CWC22: variants seen among roughly 807,000 people sequenced by gnomAD.
CWC22 encodes pre-mRNA-splicing factor CWC22 homolog.
A neutral mutation model predicts 117.2 loss-of-function variants in CWC22; 53 were observed. The ratio of observed to expected loss-of-function variants is 0.45; its 90% CI spans 0.36 to 0.57. CWC22 has a LOEUF of 0.57. CWC22 is among the 20% of genes least tolerant of loss of function. The probability of loss-of-function intolerance (pLI) is 0.00; values close to 1 mark genes in which losing one functional copy is unlikely to be tolerated. For missense variants in CWC22, 980 were observed against 1,068.8 expected, an observed-to-expected ratio of 0.92 and a Z score of 1.16; for synonymous variants, 360 against 355.6, an observed-to-expected ratio of 1.01 and a Z score of -0.14.
At chr2:179,981,443 A>G (rs908152861) in intron 5 of CWC22, among the ~76,000 whole-genome samples, 3 of 152,218 alleles carry the variant, frequency 2.0e-5, no homozygotes, top group African/African-American at 7.2e-5. Flanking sequence ...GACATTATCA[A>G]TAGGAATGCA....
intron 5 of CWC22, 24 bp downstream of exon 5, chr2:179,981,728 G>C (rs776859151): frequency 4.4e-6 from 7 of 1,587,246 alleles, no homozygotes; most frequent in Non-Finnish European, 4.3e-6. Context: ...TCATGGCTTT[G>C]TATACTGATT....
intron 1 of CWC22, among the ~76,000 whole-genome samples, chr2:179,999,433 TA>T (rs201078971): frequency 1.3e-5 from 2 of 151,926 alleles, no homozygotes; most frequent in African/African-American, 2.4e-5. Flanking sequence ...AGAGCACTAT[TA>T]AAAAAAAGAT....
chr2:179,973,199 T>G lies in CWC22; in HGVS notation c.798A>C (p.Gln266His). The G allele has an allele frequency of 6.3e-7, 1 of 1,598,042 alleles. No homozygotes were observed. The highest frequency in any genetic ancestry group is 8.5e-7 in the Non-Finnish European group (1 of 1,170,978). Residue 266 changes from glutamine to histidine, a missense_variant, in exon 8 of 20, where the codon CAA (glutamine) becomes CAC (histidine). By Grantham distance (24) the Gln-to-His change is conservative. Transcript: ENST00000410053. Reference protein sequence around the residue: ...ASKFVAHLINQNVAHEVLCLE... With the variant: ...ASKFVAHLINHNVAHEVLCLE... ...ATTGAAGATAATTACTTACCACATT[T>G]TGGTTAATAAGATGCGCCACAAATT...
intron 5 of CWC22, among the ~76,000 whole-genome samples, chr2:179,978,867 TAC>T (rs1687217085): frequency 1.0e-5 from 1 of 95,686 alleles, no homozygotes; most frequent in Non-Finnish European, 2.1e-5. Flanking sequence ...CTGAATTACC[TAC>T]CATTCAGTGT....
rs1575646949 is a variant in CWC22 at position 179,970,431 on chromosome 2, T to A, written c.1210+70A>T. On this transcript the variant is annotated intron_variant, in intron 11 of 19. Coordinates refer to ENST00000410053, the MANE Select transcript of CWC22 (RefSeq NM_020943.3). ...GGTGGGGATCTCTAAATATTTGCTA[T>A]CAGTATTACGTAACTACTTAAATTG... 5 of 1,322,350 alleles carry A rather than the reference T, an allele frequency of 3.8e-6. No individual in the cohort carries two copies. In the East Asian group the frequency reaches 7.6e-5, roughly 20 times the overall value. The allele number at this position is 1,322,350 out of a possible 1,614,324, so 81.9% of individuals were successfully genotyped here.
At chr2:179,956,379 T>A (rs968837291) in intron 14 of CWC22, among the ~76,000 whole-genome samples, 27 of 151,372 alleles carry the variant, frequency 1.8e-4, no homozygotes, top group African/African-American at 6.5e-4. Flanking sequence ...ACATTACTAG[T>A]CATATTTCAA....
chr2:179,962,712 A>AT (rs1686785347), intron 13 of CWC22, among the ~76,000 whole-genome samples: 1 of 152,254 alleles, frequency 6.6e-6, no homozygotes, highest in Non-Finnish European at 1.5e-5. Context: ...AAATACAGTA[A>AT]TAAAAACAAG....
At chr2:179,951,115 G>A (rs1686436276) in intron 17 of CWC22, among the ~76,000 whole-genome samples, 189 bp from the exon 18 acceptor site, 1 of 151,814 alleles carries the variant, frequency 6.6e-6, no homozygotes, top group South Asian at 2.1e-4. Flanking sequence ...AAGTAATAAT[G>A]TACCAAACTT....
chr2:180,003,970 A>T (rs1687909354), intron 1 of CWC22, among the ~76,000 whole-genome samples: 1 of 152,232 alleles, frequency 6.6e-6, no homozygotes, highest in South Asian at 2.1e-4. Context: ...CACTTGGGAA[A>T]TGTACATACT....
chr2:179,950,270 A>G (rs913790718), intron 19 of CWC22, among the ~76,000 whole-genome samples: 4 of 152,298 alleles, frequency 2.6e-5, no homozygotes, highest in East Asian at 1.9e-4. Flanking sequence ...CATCACTCAG[A>G]TAAGTATCTG....
intron 2 of CWC22, among the ~76,000 whole-genome samples, chr2:179,991,345 T>C (rs113789022): frequency 2.1e-3 from 315 of 152,068 alleles, no homozygotes; most frequent in African/African-American, 7.0e-3. Flanking sequence ...AATAGGTGAG[T>C]CCTCAGAACA....
intron 5 of CWC22, among the ~76,000 whole-genome samples, chr2:179,981,319 T>C (rs765647565): frequency 6.6e-6 from 1 of 152,170 alleles, no homozygotes; most frequent in Non-Finnish European, 1.5e-5. Context: ...ACTCACAGTG[T>C]AAAATATTTA....
intron 19 of CWC22, among the ~76,000 whole-genome samples, chr2:179,948,026 T>A (rs896652385): frequency 2.0e-5 from 3 of 152,190 alleles, no homozygotes; most frequent in African/African-American, 7.2e-5. Context: ...GATCAAACTT[T>A]GAAAACATCT....
At chr2:180,005,339 A>C (rs765430477) in intron 1 of CWC22, among the ~76,000 whole-genome samples, 1 of 152,186 alleles carries the variant, frequency 6.6e-6, no homozygotes, top group South Asian at 2.1e-4. Flanking sequence ...GCACTTTGGG[A>C]GGCCGAGGCG....
At chr2:179,964,509 A>C in intron 13 of CWC22, 38 bp downstream of exon 13, 1 of 1,225,660 alleles carries the variant, frequency 8.2e-7, no homozygotes. Context: ...TCCCTTATCA[A>C]AAACAAAAAA....
At chr2:179,965,162 T>A (rs528883343) in intron 12 of CWC22, among the ~76,000 whole-genome samples, 2 of 152,316 alleles carry the variant, frequency 1.3e-5, no homozygotes, top group Non-Finnish European at 2.9e-5. Flanking sequence ...AGAAGATAAT[T>A]TTAATAAAAA....
intron 4 of CWC22, among the ~76,000 whole-genome samples, chr2:179,982,407 T>C (rs1395386207): frequency 6.6e-6 from 1 of 152,162 alleles, no homozygotes; most frequent in Non-Finnish European, 1.5e-5. Flanking sequence ...GTTTTTATAC[T>C]GGAGGTGATG....
intron 1 of CWC22, among the ~76,000 whole-genome samples, chr2:179,996,298 T>A (rs1261209414): frequency 6.6e-6 from 1 of 152,152 alleles, no homozygotes; most frequent in African/African-American, 2.4e-5. Context: ...GCATGGTTTT[T>A]AAAACATATG....
chr2:179,990,910 G>A (rs547695140), intron 2 of CWC22, among the ~76,000 whole-genome samples: 8 of 152,126 alleles, frequency 5.3e-5, no homozygotes, highest in African/African-American at 1.9e-4. Flanking sequence ...TGGGAAAACG[G>A]GGACTTGAAT....
Sources: gnomAD v4.1 joint callset for allele counts (sites outside exome capture counted in the v4.1 genomes callset) on GRCh38, gnomAD v4.1.1 for gene constraint, MANE v1.5 for transcripts, NCBI Gene and HGNC (gene_info 2026-07-23, HGNC 2026-07-21) for gene names.